Variants in UTP25 observed in about 807,000 individuals in gnomAD.
The protein encoded by UTP25 is UTP25 small subunit processome component.
Under a neutral mutation model 78.9 loss-of-function variants are expected in UTP25, and 50 were observed. The observed-to-expected ratio is 0.63, with a 90% CI of 0.50 to 0.80. UTP25 has a LOEUF of 0.80. UTP25 is among the 30% of genes least tolerant of loss of function. The pLI, the probability that UTP25 is intolerant of heterozygous loss-of-function variation, is 0.00. For synonymous variants in UTP25, 329 were observed against 336.5 expected (o/e 0.98, Z 0.24); for missense variants, 846 against 911.3 (o/e 0.93, Z 0.92).
intron 3 of UTP25, among the ~76,000 whole-genome samples, chr1:209,832,199 A>G (rs1002702910): frequency 1.3e-5 from 2 of 152,058 alleles, no homozygotes; most frequent in African/African-American, 2.4e-5. Flanking sequence ...AGAGGGTAAT[A>G]TAGTTACCCT....
chr1:209,841,202 G>A, intron 8 of UTP25, 147 bp downstream of exon 8: 1 of 844,716 alleles, frequency 1.2e-6, no homozygotes, highest in African/African-American at 1.7e-5. Flanking sequence ...TTTCTAATTT[G>A]AAAAAGTCTT....
intron 1 of UTP25, 101 bp from the exon 2 acceptor site, chr1:209,830,007 A>G: frequency 9.8e-7 from 1 of 1,016,454 alleles, no homozygotes; most frequent in Non-Finnish European, 1.5e-6. Context: ...AAATGTATTT[A>G]TAATGTTATA....
At chr1:209,831,847 G>A (rs774178555) in intron 3 of UTP25, among the ~76,000 whole-genome samples, 1 of 152,032 alleles carries the variant, frequency 6.6e-6, no homozygotes, top group Non-Finnish European at 1.5e-5. Context: ...AGCTATTTTT[G>A]CTTCTCATGT....
intron 6 of UTP25, 182 bp from the exon 7 acceptor site, chr1:209,838,727 G>GA (rs2078148752): frequency 4.5e-6 from 3 of 670,918 alleles, no homozygotes; most frequent in Non-Finnish European, 7.9e-6. Flanking sequence ...CTGGGGTTAT[G>GA]AAAGGTGCTC....
intron 10 of UTP25, chr1:209,843,166 C>G (rs2078177169): frequency 4.6e-6 from 2 of 433,520 alleles, no homozygotes; most frequent in South Asian, 5.6e-5. Context: ...GACTGAGTGA[C>G]TGACTGACTG....
chr1:209,829,797 T>A (rs774090577), intron 1 of UTP25, among the ~76,000 whole-genome samples: 2 of 152,190 alleles, frequency 1.3e-5, no homozygotes, highest in Admixed American at 6.5e-5. Flanking sequence ...AGAGGGACAT[T>A]CTAATTAAGA....
chr1:209,851,353 C>T lies in UTP25; in HGVS notation c.2177C>T (p.Ala726Val). The change falls in exon 12 of 12, where the codon GCC becomes GTC. Residue 726 changes from alanine to valine, a missense_variant. Physicochemically the swap from Ala to Val is moderately conservative, Grantham distance 64. Transcript: ENST00000491415. The part of the protein sequence containing the change: ...TCTVLYSKYD[A>V]QRLAAVVGVE... ...ACTGTTCTCTACTCCAAATATGATG[C>T]CCAGAGGTTAGCTGCCGTGGTTGGT... 6.2e-7 allele frequency: 1 copy of T among 1,614,164 alleles called. No homozygotes were observed. The highest frequency in any genetic ancestry group is 1.1e-5 in the South Asian group (1 of 91,078).
chr1:209,851,343 A>G lies in UTP25; in HGVS notation c.2167A>G (p.Lys723Glu). Residue 723 changes from lysine to glutamate, a missense_variant, in exon 12 of 12, where the codon AAA (lysine) becomes GAA (glutamate). Coordinates refer to ENST00000491415, the MANE Select transcript of UTP25 (RefSeq NM_014388.7). ...GTGGACCTGCACTGTTCTCTACTCCAAATATGATGCCCAGAGGTTAGCTGC... is the reference window on the plus strand; with the variant it reads ...GTGGACCTGCACTGTTCTCTACTCCGAATATGATGCCCAGAGGTTAGCTGC... ...ATWTCTVLYSKYDAQRLAAVV... is the reference protein window; with the variant it reads ...ATWTCTVLYSEYDAQRLAAVV... 1.2e-6 allele frequency: 2 copies of G among 1,614,190 alleles called. No individual in the cohort carries two copies. Among genetic ancestry groups the G allele is most frequent in the Non-Finnish European group, 1.7e-6 (2 of 1,180,022 alleles).
chr1:209,850,699 A>G (rs892269571), intron 11 of UTP25, among the ~76,000 whole-genome samples: 2 of 152,186 alleles, frequency 1.3e-5, no homozygotes, highest in Non-Finnish European at 2.9e-5. Context: ...GGTTTTGTAA[A>G]TGGATGAACT....
chr1:209,838,031 G>A (rs1004749168), intron 6 of UTP25, among the ~76,000 whole-genome samples: 5 of 152,132 alleles, frequency 3.3e-5, no homozygotes, highest in Admixed American at 6.5e-5. Flanking sequence ...TACTGTCACC[G>A]CTGGAACAAT....
At chr1:209,842,874 A>G in intron 10 of UTP25, 179 bp downstream of exon 10, 2 of 602,092 alleles carry the variant, frequency 3.3e-6, no homozygotes, top group Non-Finnish European at 5.9e-6. Context: ...AGAAATAGTG[A>G]CTTTGGCCTA....
intron 6 of UTP25, chr1:209,838,692 G>A: frequency 1.7e-6 from 1 of 599,976 alleles, no homozygotes; most frequent in Non-Finnish European, 3.0e-6. Context: ...TGGACTGATG[G>A]GTCTGAAGTC....
At chr1:209,838,410 A>G (rs2078146774) in intron 6 of UTP25, among the ~76,000 whole-genome samples, 1 of 145,910 alleles carries the variant, frequency 6.9e-6, no homozygotes, top group South Asian at 2.2e-4. Context: ...AACACTGTAT[A>G]GAGAATGCAC....
intron 5 of UTP25, 120 bp from the exon 6 acceptor site, chr1:209,836,681 T>C (rs2078134834): frequency 9.2e-7 from 1 of 1,086,210 alleles, no homozygotes; most frequent in East Asian, 2.4e-5. Context: ...TGCAGGGCTG[T>C]TGTGAGGATT....
rs1467693766 is a variant in UTP25, at chr1:209,840,818, T to G, written c.1283-35T>G. ...TGGAAGGTAATGGCTTGGTAGTGAC[T>G]AATGAATTGGTGTGTACTTGGCTGT... On this transcript the variant is annotated intron_variant, in intron 7 of 11. Coordinates refer to ENST00000491415, the MANE Select transcript of UTP25 (RefSeq NM_014388.7). The G allele has an allele frequency of 2.5e-6, 4 of 1,607,568 alleles. No individual in the cohort carries two copies. In the East Asian group the frequency reaches 8.9e-5, roughly 36 times the overall value.
rs915528407 is a variant in UTP25, at chr1:209,853,047, CA to C, written c.*1605del. 1 of 152,040 alleles carries C rather than the reference CA, an allele frequency of 6.6e-6. No individual in the cohort carries two copies. The highest frequency in any genetic ancestry group is 2.4e-5 in the African/African-American group (1 of 41,408). The allele number at this position is 152,040 out of a possible 1,614,324, so 9.4% of individuals were successfully genotyped here. On this transcript the variant is annotated 3_prime_UTR_variant, in exon 12 of 12. Coordinates refer to ENST00000491415, the MANE Select transcript of UTP25 (RefSeq NM_014388.7). Reference sequence around the variant, plus strand: ...CACGCTTAAAATTACTTAGCAAAAACAAAAAGTAAAATCAGTTTTGAAGTAA... The same window carrying C: ...CACGCTTAAAATTACTTAGCAAAAACAAAAGTAAAATCAGTTTTGAAGTAA...
rs2078114108 is a variant in UTP25, at chr1:209,833,348, A to T, written c.552A>T (p.Lys184Asn). 6.4e-7 allele frequency: 1 copy of T among 1,573,302 alleles called. No homozygotes were observed. Among genetic ancestry groups the T allele is most frequent in the Admixed American group, 1.9e-5 (1 of 51,774 alleles). ...AAAGTGGAGACAACTCTTCTTTGAA[A>T]GCCTCTCAAGGTCATAGCACAGTGT... ...EEESGDNSSL[K>N]ASQDPFLQHV... The change falls in exon 4 of 12, where the codon AAA becomes AAT. Residue 184 changes from lysine (K) to asparagine (N), a missense_variant. Lys to Asn is a moderately conservative substitution (Grantham distance 94). Transcript: ENST00000491415.
chr1:209,833,088 GAAC>G, intron 3 of UTP25, 94 bp from the exon 4 acceptor site: 3 of 1,148,358 alleles, frequency 2.6e-6, no homozygotes, highest in Non-Finnish European at 3.6e-6. Context: ...TAGTATCAAT[GAAC>G]GCTATTGTTG....
At position 209,842,563 on chromosome 1, in the gene UTP25, C is replaced by T. The variant is rs1173585443; in HGVS notation, c.1669-20C>T. On this transcript the variant is annotated intron_variant, in intron 9 of 11. Coordinates refer to ENST00000491415, the MANE Select transcript of UTP25 (RefSeq NM_014388.7). ...GAAGGGGATGGCTGTCCACCTAACG[C>T]TCTTGTTGACTACTGGCAGGTGGCC... is the stretch of plus-strand genomic sequence containing the variant. The T allele has an allele frequency of 6.2e-7, 1 of 1,613,080 alleles. No homozygotes were observed. The highest frequency in any genetic ancestry group is 2.2e-5 in the East Asian group (1 of 44,866).
Sources: allele counts gnomAD v4.1 joint callset (sites outside exome capture counted in the v4.1 genomes callset), GRCh38; gene constraint gnomAD v4.1.1; transcripts MANE v1.5; gene names NCBI Gene and HGNC (gene_info 2026-07-23, HGNC 2026-07-21).